The following NRG2 variants were observed in gnomAD, a reference collection of about 807,000 sequenced individuals.
NRG2 encodes the protein neuregulin 2, also known as pro-neuregulin-2, membrane-bound isoform.
Under a neutral mutation model 73.9 loss-of-function variants are expected in NRG2, and 27 were observed. The ratio of observed to expected loss-of-function variants is 0.37; its 90% confidence interval spans 0.27 to 0.50. NRG2 has a LOEUF of 0.50. Among genes scored for constraint, NRG2 ranks in the 20% least tolerant of loss-of-function variants. NRG2 has a pLI of 0.96. For synonymous variants in NRG2, 532 were observed against 541.0 expected (o/e 0.98, Z 0.23); for missense variants, 1,126 against 1,210.1 (o/e 0.93, Z 1.03).
In NRG2 at chr5:139,847,737, A is replaced by G; in HGVS notation, c.*180T>C. The stretch of plus-strand genomic sequence containing the variant: ...TCCCTATAAAAACGCCTTTGCCGTT[A>G]GCTAGTATTATAAGACAATTTTTGC... On this transcript the variant is annotated 3_prime_UTR_variant, in exon 10 of 10. Coordinates refer to ENST00000361474, the MANE Select transcript of NRG2 (RefSeq NM_004883.3). 1 of 420,178 alleles carries G rather than the reference A, an allele frequency of 2.4e-6. No individual in the cohort carries two copies. Among genetic ancestry groups the G allele is most frequent in the Non-Finnish European group, 4.0e-6 (1 of 248,076 alleles). 26.0% of individuals were successfully genotyped at this position (420,178 alleles called of 1,614,324 possible).
intron 3 of NRG2, among the ~76,000 whole-genome samples, chr5:139,876,936 TG>T (rs1763215474): frequency 6.6e-6 from 1 of 151,072 alleles, no homozygotes; most frequent in African/African-American, 2.4e-5. Flanking sequence ...TGTGTGTGTG[TG>T]TGTGTGTGTG....
chr5:140,033,180 A>G (rs1196785355), intron 1 of NRG2, among the ~76,000 whole-genome samples: 6 of 152,230 alleles, frequency 3.9e-5, no homozygotes, highest in Non-Finnish European at 5.9e-5. Context: ...GAAAAGGATG[A>G]ATGATTCAGT....
At chr5:139,882,212 GA>G (rs1763567827) in intron 2 of NRG2, among the ~76,000 whole-genome samples, 1 of 152,130 alleles carries the variant, frequency 6.6e-6, no homozygotes, top group Admixed American at 6.5e-5. Context: ...CTATGGAGCT[GA>G]TGGGGTAAGG....
At chr5:139,924,080 C>T (rs561956640) in intron 1 of NRG2, among the ~76,000 whole-genome samples, 98 of 152,310 alleles carry the variant, frequency 6.4e-4, no homozygotes, top group Non-Finnish European at 1.1e-3. Flanking sequence ...CCAGCCCTCC[C>T]CAGGATCACT....
At chr5:139,885,160 G>T (rs1466353046) in intron 2 of NRG2, among the ~76,000 whole-genome samples, 4 of 152,226 alleles carry the variant, frequency 2.6e-5, no homozygotes, top group African/African-American at 9.6e-5. Context: ...TGGATATGGA[G>T]ACTTGGGGTC....
intron 2 of NRG2, among the ~76,000 whole-genome samples, chr5:139,883,339 G>T (rs1763659238): frequency 6.7e-6 from 1 of 149,784 alleles, no homozygotes. Context: ...CCCGCCCCCT[G>T]CCTGCTCAAG....
At chr5:140,005,318 G>T (rs1028540335) in intron 1 of NRG2, among the ~76,000 whole-genome samples, 1 of 152,180 alleles carries the variant, frequency 6.6e-6, no homozygotes. Context: ...CAGTTCCACT[G>T]CCAGAGAAAG....
chr5:139,887,581 G>GT lies in NRG2; in HGVS notation c.701-71dup. On this transcript the variant is annotated intron_variant, in intron 1 of 9. Coordinates refer to ENST00000361474, the MANE Select transcript of NRG2 (RefSeq NM_004883.3). The surrounding 1 kb of genome is among the most constrained non-coding windows in gnomAD (Gnocchi z 4.5). ...CAGTGCCAAGCATGAGTAGTGGAGA[G>GT]TAAGGGCCACTGTCTTTGGGCTGGA... is the stretch of plus-strand genomic sequence containing the variant. 7.1e-7 allele frequency: 1 copy of GT among 1,408,784 alleles called. No individual in the cohort carries two copies. The highest frequency in any genetic ancestry group is 1.4e-5 in the African/African-American group (1 of 71,050). The allele number at this position is 1,408,784 out of a possible 1,614,324, so 87.3% of individuals were successfully genotyped here. A position where few individuals can be genotyped will look rare whatever the true frequency, so the allele number is the denominator to read the frequency against.
At chr5:139,974,602 A>T (rs155347) in intron 1 of NRG2, among the ~76,000 whole-genome samples, 51,882 of 151,986 alleles carry the variant, frequency 0.34, 9,677 homozygotes, top group African/African-American at 0.5. Context: ...ATAATTTACC[A>T]ATAGTTTTTT....
At chr5:139,897,651 G>A (rs1391168099) in intron 1 of NRG2, among the ~76,000 whole-genome samples, 1 of 152,142 alleles carries the variant, frequency 6.6e-6, no homozygotes, top group Non-Finnish European at 1.5e-5. Context: ...TGTAAGGCTG[G>A]ACTGTGACTG....
At chr5:139,976,467 T>C (rs988095825) in intron 1 of NRG2, among the ~76,000 whole-genome samples, 1 of 152,170 alleles carries the variant, frequency 6.6e-6, no homozygotes, top group Non-Finnish European at 1.5e-5. Flanking sequence ...TCTATTGCAG[T>C]GATTTGCAAA....
intron 1 of NRG2, among the ~76,000 whole-genome samples, 188 bp downstream of exon 1, chr5:140,042,182 A>T (rs1268594205): frequency 8.0e-6 from 1 of 125,726 alleles, no homozygotes. Context: ...TTTGAGCCTG[A>T]TCCTTCTTCT....
intron 1 of NRG2, among the ~76,000 whole-genome samples, chr5:140,024,972 A>G (rs530049774): frequency 6.6e-6 from 1 of 152,354 alleles, no homozygotes; most frequent in East Asian, 1.9e-4. Context: ...CAGCTGAAGA[A>G]GAGACTACAA....
intron 1 of NRG2, among the ~76,000 whole-genome samples, chr5:140,028,844 A>C (rs548746978): frequency 6.6e-6 from 1 of 152,148 alleles, no homozygotes; most frequent in South Asian, 2.1e-4. Flanking sequence ...GTGACTTCTG[A>C]AGCTAGACCC....
Position 139,871,774 on chromosome 5 carries a change from G to A in NRG2, c.1059C>T (p.Cys353=), listed in dbSNP as rs887147465. The A allele has an allele frequency of 1.1e-5, 17 of 1,613,968 alleles. No homozygotes were observed. The highest frequency in any genetic ancestry group is 1.7e-5 in the Admixed American group (1 of 59,992). The part of the protein sequence containing the change: ...RKCNETAKSY[C]VNGGVCYYIE... ...TGTAGTAGCAGACGCCTCCATTGAC[G>A]CAATAGGACTTGGCTGTCTCGTTGC... The change falls in exon 4 of 10, where the codon TGC becomes TGT. Residue 353 remains cysteine (C), a synonymous_variant. Coordinates refer to ENST00000361474, the MANE Select transcript of NRG2 (RefSeq NM_004883.3).
intron 1 of NRG2, among the ~76,000 whole-genome samples, chr5:139,977,201 G>A (rs981658349): frequency 2.0e-5 from 3 of 152,140 alleles, no homozygotes. Context: ...GGGATATATG[G>A]AACTCTCTGG....
At position 139,870,836 on chromosome 5, in the gene NRG2, G is replaced by A. The variant is rs1333529993; in HGVS notation, c.1112+885C>T. 6.6e-6 allele frequency among the ~76,000 whole-genome samples: 1 copy of A among 152,208 alleles called. No individual in the cohort carries two copies. The highest frequency in any genetic ancestry group is 1.5e-5 in the Non-Finnish European group (1 of 68,032). ...GGGGCACTGTAGGCCCAGCTGCCCA[G>A]AAGATCTGGCTGGGCCTGAACGAGC... On this transcript the variant is annotated intron_variant, in intron 4 of 9. Coordinates refer to ENST00000361474, the MANE Select transcript of NRG2 (RefSeq NM_004883.3). This position sits in a 1 kb window ranked among gnomAD's most constrained non-coding sequence, Gnocchi z 4.4.
At chr5:139,881,534 TTTCA>T (rs753148876) in intron 2 of NRG2, among the ~76,000 whole-genome samples, 1 of 152,174 alleles carries the variant, frequency 6.6e-6, no homozygotes, top group Non-Finnish European at 1.5e-5. Flanking sequence ...GGGGTTTTTG[TTTCA>T]TTCATTCATT....
At chr5:139,880,231 G>A (rs1763437426) in intron 3 of NRG2, among the ~76,000 whole-genome samples, 1 of 152,184 alleles carries the variant, frequency 6.6e-6, no homozygotes, top group Admixed American at 6.5e-5. Context: ...AAGAACCAGG[G>A]CCTGAGAGGG....
Sources: allele counts gnomAD v4.1 joint callset (sites outside exome capture counted in the v4.1 genomes callset), GRCh38; gene constraint gnomAD v4.1.1; non-coding constraint Gnocchi (gnomAD v3.1); transcripts MANE v1.5; gene names NCBI Gene and HGNC (gene_info 2026-07-23, HGNC 2026-07-21).